Variants in KPNA4 observed in about 807,000 individuals in gnomAD.
The protein encoded by KPNA4 is karyopherin subunit alpha 4, also known as importin subunit alpha-3.
A neutral mutation model predicts 71.3 loss-of-function variants in KPNA4; 13 were observed. The ratio of observed to expected loss-of-function variants is 0.18; its 90% CI spans 0.12 to 0.29. KPNA4 has a LOEUF of 0.29. Among genes scored for constraint, KPNA4 ranks in the 10% least tolerant of loss-of-function variants. KPNA4 has a pLI of 1.00. For missense variants in KPNA4, 334 were observed against 603.2 expected (o/e 0.55, Z 4.67); for synonymous variants, 189 against 195.2 (o/e 0.97, Z 0.26).
chr3:160,530,266 G>C (rs2108551833), intron 7 of KPNA4, among the ~76,000 whole-genome samples: 1 of 151,792 alleles, frequency 6.6e-6, no homozygotes, highest in African/African-American at 2.4e-5. Flanking sequence ...CCCAGAGTTA[G>C]AGACCAGCCT....
intron 1 of KPNA4, among the ~76,000 whole-genome samples, chr3:160,541,962 T>C (rs1044046677): frequency 6.6e-6 from 1 of 152,202 alleles, no homozygotes; most frequent in African/African-American, 2.4e-5. Context: ...ATTAATAACA[T>C]GCACACAACG....
intron 15 of KPNA4, 71 bp downstream of exon 15, chr3:160,508,036 A>G: frequency 8.5e-7 from 1 of 1,175,176 alleles, no homozygotes; most frequent in Non-Finnish European, 1.2e-6. Context: ...GATGTGCTAT[A>G]TTAGTCGGCA....
chr3:160,542,994 C>A (rs1577059685), intron 1 of KPNA4, among the ~76,000 whole-genome samples: 1 of 152,152 alleles, frequency 6.6e-6, no homozygotes, highest in African/African-American at 2.4e-5. Flanking sequence ...GTTTCACTAT[C>A]TCTTCAACAT....
chr3:160,536,757 G>C (rs781507767), intron 2 of KPNA4, 39 bp downstream of exon 2: 1 of 1,280,972 alleles, frequency 7.8e-7, no homozygotes, highest in Non-Finnish European at 1.1e-6. Context: ...AATGTTGTTA[G>C]AATTATGCTT....
At chr3:160,541,649 G>A (rs73155931) in intron 1 of KPNA4, among the ~76,000 whole-genome samples, 30,554 of 146,512 alleles carry the variant, frequency 0.21, 3,601 homozygotes, top group Non-Finnish European at 0.25. Context: ...TTATATACGC[G>A]CACACACACA....
intron 13 of KPNA4, among the ~76,000 whole-genome samples, chr3:160,513,492 T>A (rs1249745340): frequency 6.6e-6 from 1 of 152,130 alleles, no homozygotes; most frequent in Non-Finnish European, 1.5e-5. Flanking sequence ...CTTGAACTCC[T>A]GGGCTCAAGT....
At chr3:160,524,349 T>TTATG (rs1721420844) in intron 10 of KPNA4, among the ~76,000 whole-genome samples, 1 of 152,042 alleles carries the variant, frequency 6.6e-6, no homozygotes, top group African/African-American at 2.4e-5. Flanking sequence ...ATTTATTTAT[T>TTATG]TATTTATTTT....
At chr3:160,535,402 G>T in intron 5 of KPNA4, 111 bp downstream of exon 5, 2 of 657,816 alleles carry the variant, frequency 3.0e-6, no homozygotes, top group South Asian at 2.4e-5. Context: ...ATTTACTATT[G>T]TTTGTCATCA....
At chr3:160,521,114 A>G (rs1044431208) in intron 11 of KPNA4, among the ~76,000 whole-genome samples, 9 of 152,316 alleles carry the variant, frequency 5.9e-5, no homozygotes, top group African/African-American at 2.4e-5. Flanking sequence ...TTCAGCACCA[A>G]TGAAGATAAG....
At chr3:160,533,013 G>A (rs1441613110) in intron 5 of KPNA4, among the ~76,000 whole-genome samples, 3 of 152,086 alleles carry the variant, frequency 2.0e-5, no homozygotes, top group South Asian at 4.1e-4. Context: ...ATAGCCCTAC[G>A]TTTGGTGCTA....
At chr3:160,553,424 C>T (rs1196857587) in intron 1 of KPNA4, among the ~76,000 whole-genome samples, 3 of 152,132 alleles carry the variant, frequency 2.0e-5, no homozygotes, top group African/African-American at 4.8e-5. Context: ...CATAGAATTA[C>T]GTAAAGACTA....
chr3:160,541,436 G>C (rs1721794075), intron 1 of KPNA4, among the ~76,000 whole-genome samples: 1 of 151,320 alleles, frequency 6.6e-6, no homozygotes, highest in Non-Finnish European at 1.5e-5. Flanking sequence ...TAATACTTAG[G>C]TAACAGCACT....
At chr3:160,535,304 T>C (rs533031824) in intron 5 of KPNA4, among the ~76,000 whole-genome samples, 1 of 152,168 alleles carries the variant, frequency 6.6e-6, no homozygotes, top group African/African-American at 2.4e-5. Context: ...CACTTTCAAC[T>C]AAAAATAAAA....
At chr3:160,559,041 G>A (rs1235307441) in intron 1 of KPNA4, among the ~76,000 whole-genome samples, 1 of 152,084 alleles carries the variant, frequency 6.6e-6, no homozygotes, top group Non-Finnish European at 1.5e-5. Context: ...CTGTCTCAAG[G>A]AAAAAGTACT....
At chr3:160,523,198 T>A (rs1577052188) in intron 10 of KPNA4, among the ~76,000 whole-genome samples, 4 of 151,614 alleles carry the variant, frequency 2.6e-5, no homozygotes, top group East Asian at 1.9e-4. Context: ...AGGCAGGGAG[T>A]AGTGGCTCAC....
chr3:160,522,010 C>T (rs943203959), intron 10 of KPNA4, 100 bp from the exon 11 acceptor site: 23 of 943,684 alleles, frequency 2.4e-5, no homozygotes, highest in Non-Finnish European at 3.5e-5. Flanking sequence ...CTACCTTCTT[C>T]CTTCTTTTCT....
chr3:160,543,275 G>A (rs1270006392), intron 1 of KPNA4, among the ~76,000 whole-genome samples: 1 of 152,028 alleles, frequency 6.6e-6, no homozygotes, highest in African/African-American at 2.4e-5. Context: ...ACCTTTACGG[G>A]TATTAATTCC....
At position 160,504,774 on chromosome 3, in the gene KPNA4, C is replaced by G. The variant is rs1455388474; in HGVS notation, c.1467+184G>C. Among the ~76,000 whole-genome samples the G allele has an allele frequency of 2.0e-5, 3 of 152,080 alleles. No individual in the cohort carries two copies. The East Asian group carries it at 5.8e-4, about 29-fold the overall frequency. On this transcript the variant is annotated intron_variant, in intron 16 of 16. Transcript: ENST00000334256. ...ATTTCTTGCCATTAGAGCTAATATG[C>G]CCTGAAGGGATCTTAAAATATTGAA...
chr3:160,495,050 A>G lies in KPNA4; in HGVS notation c.*7054T>C, dbSNP rs1012762288. 1.3e-5 allele frequency: 2 copies of G among 152,208 alleles called. No individual in the cohort carries two copies. Among genetic ancestry groups the G allele is most frequent in the Non-Finnish European group, 2.9e-5 (2 of 68,036 alleles). 9.4% of individuals were successfully genotyped at this position (152,208 alleles called of 1,614,324 possible). A position where few individuals can be genotyped will look rare whatever the true frequency, so the allele number is the denominator to read the frequency against. On this transcript the variant is annotated 3_prime_UTR_variant, in exon 17 of 17. Coordinates refer to ENST00000334256, the MANE Select transcript of KPNA4 (RefSeq NM_002268.5). ...ATTGAGTACCCATAGAACTCATGGTACCTTCACGGTGTTTACAGAACTTTG... is the reference window on the plus strand; with the variant it reads ...ATTGAGTACCCATAGAACTCATGGTGCCTTCACGGTGTTTACAGAACTTTG...
Sources: allele counts gnomAD v4.1 joint callset (sites outside exome capture counted in the v4.1 genomes callset), GRCh38; gene constraint gnomAD v4.1.1; transcripts MANE v1.5; gene names NCBI Gene and HGNC (gene_info 2026-07-23, HGNC 2026-07-21).